Variants in DLC1 observed in about 807,000 individuals in gnomAD.
DLC1 encodes rho GTPase-activating protein 7.
A neutral mutation model predicts 140.3 loss-of-function variants in DLC1; 54 were observed. The observed-to-expected ratio is 0.38, with a 90% CI of 0.31 to 0.48. The LOEUF (loss-of-function observed/expected upper bound fraction) is 0.48. DLC1 is among the 20% of genes least tolerant of loss of function. The pLI is 0.96. For synonymous variants in DLC1, 986 were observed against 728.1 expected, an observed-to-expected ratio of 1.35 and a Z score of -5.70; for missense variants, 2,536 against 1,907.0, an observed-to-expected ratio of 1.33 and a Z score of -6.14.
chr8:13,169,715 T>G (rs1369986915), intron 5 of DLC1, among the ~76,000 whole-genome samples: 1 of 152,170 alleles, frequency 6.6e-6, no homozygotes, highest in Non-Finnish European at 1.5e-5. Flanking sequence ...TATTACGTTC[T>G]GAAAGAGATT....
At chr8:13,519,824 A>G (rs550164467), upstream of DLC1, among the ~76,000 whole-genome samples, 2 of 152,260 alleles carry the variant, frequency 1.3e-5, no homozygotes, top group Non-Finnish European at 2.9e-5. Context: ...ATATGAACAG[A>G]CACTTCTCAA....
intron 7 of DLC1, 124 bp from the exon 8 acceptor site, chr8:13,102,977 C>G: frequency 5.3e-6 from 4 of 756,026 alleles, no homozygotes; most frequent in Non-Finnish European, 8.7e-6. Context: ...TACCTAATAC[C>G]TAGAGGAGTA....
At chr8:13,354,061 G>A (rs1434186267) in intron 4 of DLC1, among the ~76,000 whole-genome samples, 1 of 145,160 alleles carries the variant, frequency 6.9e-6, no homozygotes, top group African/African-American at 2.6e-5. Flanking sequence ...TTTCTTTTCT[G>A]TAATCAGCTG....
At chr8:13,425,390 T>C (rs186084925) in intron 2 of DLC1, among the ~76,000 whole-genome samples, 4 of 152,256 alleles carry the variant, frequency 2.6e-5, no homozygotes, top group Admixed American at 2.6e-4. Flanking sequence ...CAGGACTGAG[T>C]ATTTTTATTT....
At position 13,370,876 on chromosome 8, in the gene DLC1, GC is replaced by G. The variant is rs534955746; in HGVS notation, c.1314+22676del. Among the ~76,000 whole-genome samples, 684 of 152,240 alleles carry G rather than the reference GC, an allele frequency of 4.5e-3. 3 individuals carry two copies. Among genetic ancestry groups the G allele is most frequent in the South Asian group, 0.011 (54 of 4,818 alleles). The stretch of plus-strand genomic sequence containing the variant: ...ACTAGCTTAGGACGAGTGGATCCCT[GC>G]CTTCCCTACTCCCCACCACAACACA... On this transcript the variant is annotated intron_variant, in intron 4 of 17. Coordinates refer to ENST00000276297, the MANE Select transcript of DLC1 (RefSeq NM_182643.3).
chr8:13,535,161 A>G (rs542462587), intron 1 of DLC1, among the ~76,000 whole-genome samples: 1 of 152,212 alleles, frequency 6.6e-6, no homozygotes, highest in Non-Finnish European at 1.5e-5. Flanking sequence ...AAGAAAAAAC[A>G]TATATACTAA....
chr8:13,246,481 A>G (rs1829767605), intron 5 of DLC1, among the ~76,000 whole-genome samples: 1 of 152,116 alleles, frequency 6.6e-6, no homozygotes, highest in African/African-American at 2.4e-5. Context: ...CTCATGTGGC[A>G]TTCTTACGGA....
At chr8:13,531,804 C>T (rs759612453) in intron 1 of DLC1, among the ~76,000 whole-genome samples, 16 of 152,312 alleles carry the variant, frequency 1.1e-4, no homozygotes, top group Admixed American at 3.9e-4. Flanking sequence ...CCTCAGCTAT[C>T]TCTAAGCAAG....
intron 4 of DLC1, among the ~76,000 whole-genome samples, chr8:13,374,219 G>A (rs757927544): frequency 6.6e-6 from 1 of 152,200 alleles, no homozygotes; most frequent in Non-Finnish European, 1.5e-5. Context: ...ATTCAGATCT[G>A]CTACAGTGGA....
chr8:13,327,644 C>T (rs1238341474), intron 4 of DLC1, among the ~76,000 whole-genome samples: 3 of 151,908 alleles, frequency 2.0e-5, no homozygotes, highest in Non-Finnish European at 2.9e-5. Flanking sequence ...TTCCTATATC[C>T]ACTGCATAGT....
chr8:13,175,494 A>G (rs893774303), intron 5 of DLC1, among the ~76,000 whole-genome samples: 1 of 152,124 alleles, frequency 6.6e-6, no homozygotes, highest in African/African-American at 2.4e-5. Context: ...GCTCATTTTC[A>G]ACTTTTAACC....
At chr8:13,316,668 G>C (rs1268198796) in intron 4 of DLC1, among the ~76,000 whole-genome samples, 1 of 152,034 alleles carries the variant, frequency 6.6e-6, no homozygotes, top group East Asian at 1.9e-4. Context: ...AACTGGTTGT[G>C]ACTTTTGCAC....
At chr8:13,446,341 C>G (rs117040936) in intron 2 of DLC1, among the ~76,000 whole-genome samples, 3,494 of 152,278 alleles carry the variant, frequency 0.023, 60 homozygotes, top group Middle Eastern at 0.041. Context: ...TATTCTTGTT[C>G]TTTCTCTGCC....
chr8:13,503,362 C>A (rs946376697), intron 1 of DLC1, among the ~76,000 whole-genome samples: 13 of 152,012 alleles, frequency 8.6e-5, no homozygotes, highest in African/African-American at 2.7e-4. Flanking sequence ...CATGATCGCA[C>A]CACTGCACTC....
rs541297981 is a variant in DLC1, at chr8:13,463,701, A to G, written c.1023+35348T>C. Among the ~76,000 whole-genome samples the G allele has an allele frequency of 2.0e-4, 30 of 152,260 alleles. No individual in the cohort carries two copies. The South Asian group carries it at 5.8e-3, about 29-fold the overall frequency. ...GTTCTAATAGCCACTCATAGTTATT[A>G]TTTTTGGCTTATTATTCTCTGATGA... On this transcript the variant is annotated intron_variant, in intron 2 of 17. Transcript: ENST00000276297.
chr8:13,275,318 G>A (rs563333871), intron 5 of DLC1, among the ~76,000 whole-genome samples: 9 of 152,182 alleles, frequency 5.9e-5, no homozygotes, highest in Non-Finnish European at 1.2e-4. Context: ...CTTTTATTAA[G>A]AACACAGCAC....
chr8:13,304,848 T>C (rs2117517592), intron 5 of DLC1: 1 of 984,582 alleles, frequency 1.0e-6, no homozygotes. Context: ...GCTTCATCAC[T>C]ATATTTTTGA....
intron 2 of DLC1, among the ~76,000 whole-genome samples, chr8:13,491,418 A>T (rs1171394425): frequency 6.6e-6 from 1 of 152,120 alleles, no homozygotes; most frequent in Non-Finnish European, 1.5e-5. Flanking sequence ...AAGCATGTGT[A>T]TGTTACTTAC....
At chr8:13,550,255 G>GT (rs962398467) in intron 1 of DLC1, among the ~76,000 whole-genome samples, 2 of 152,008 alleles carry the variant, frequency 1.3e-5, no homozygotes, top group African/African-American at 4.8e-5. Flanking sequence ...AAAAATGGCA[G>GT]TTTTTTTCTC....
Sources: gnomAD v4.1 joint callset for allele counts (sites outside exome capture counted in the v4.1 genomes callset) on GRCh38, gnomAD v4.1.1 for gene constraint, MANE v1.5 for transcripts, NCBI Gene and HGNC (gene_info 2026-07-23, HGNC 2026-07-21) for gene names.